The following EYS variants were observed in gnomAD, a reference collection of about 807,000 sequenced individuals.
EYS encodes protein eyes shut homolog.
A neutral mutation model predicts 282.1 loss-of-function variants in EYS; 250 were observed. The observed-to-expected ratio is 0.89, with a 90% CI of 0.80 to 0.98. The LOEUF is 0.98. Ranked by LOEUF, EYS falls within the 50% of genes least tolerant of loss-of-function variation. EYS has a pLI of 0.00. For synonymous variants in EYS, 1,355 were observed against 1,282.9 expected (o/e 1.06, Z -1.20); for missense variants, 4,016 against 3,709.0 (o/e 1.08, Z -2.15).
At chr6:65,228,468 T>C (rs1034712483) in intron 12 of EYS, among the ~76,000 whole-genome samples, 1 of 152,036 alleles carries the variant, frequency 6.6e-6, no homozygotes, top group Admixed American at 6.5e-5. Flanking sequence ...TCTAAATAAA[T>C]AGATATATTG....
intron 5 of EYS, among the ~76,000 whole-genome samples, chr6:65,437,840 T>C (rs1375056730): frequency 6.7e-6 from 1 of 149,166 alleles, no homozygotes; most frequent in Non-Finnish European, 1.5e-5. Context: ...ATTCATATTT[T>C]GGGTTTTATT....
chr6:64,948,034 A>G (rs1769350309), intron 14 of EYS, among the ~76,000 whole-genome samples: 1 of 151,868 alleles, frequency 6.6e-6, no homozygotes, highest in South Asian at 2.1e-4. Context: ...AAAAGCTAAT[A>G]ACTATTGGTA....
At chr6:65,562,198 T>C (rs960062528) in intron 2 of EYS, among the ~76,000 whole-genome samples, 1 of 152,022 alleles carries the variant, frequency 6.6e-6, no homozygotes, top group Non-Finnish European at 1.5e-5. Flanking sequence ...TTTGACATTT[T>C]ATATTTGCAA....
chr6:64,476,517 GA>G, intron 26 of EYS, among the ~76,000 whole-genome samples: 1 of 151,866 alleles, frequency 6.6e-6, no homozygotes, highest in African/African-American at 2.4e-5. Context: ...GTTGCAGAGT[GA>G]AAAAAATATA....
At position 64,245,805 on chromosome 6, in the gene EYS, A is replaced by C. The variant is rs112688003; in HGVS notation, c.6192-14981T>G. ...TGTCCATCTCTTGAGGAAAATTCCA[A>C]ATAGGAAACATTATAAAATAAAATC... On this transcript the variant is annotated intron_variant, in intron 30 of 42. Coordinates refer to ENST00000503581, the MANE Select transcript of EYS (RefSeq NM_001142800.2). Among the ~76,000 whole-genome samples, 1,450 of 152,152 alleles carry C rather than the reference A, an allele frequency of 9.5e-3. 24 individuals carry two copies. The highest frequency in any genetic ancestry group is 0.033 in the African/African-American group (1,365 of 41,526).
At chr6:65,334,493 C>G (rs1217592845) in intron 11 of EYS, among the ~76,000 whole-genome samples, 1 of 151,820 alleles carries the variant, frequency 6.6e-6, no homozygotes, top group Non-Finnish European at 1.5e-5. Context: ...TGGTCTCAAA[C>G]TCTTGGCCTC....
At chr6:64,217,887 G>A (rs1287675410) in intron 31 of EYS, among the ~76,000 whole-genome samples, 3 of 152,144 alleles carry the variant, frequency 2.0e-5, no homozygotes, top group Non-Finnish European at 4.4e-5. Context: ...CACAAACCAA[G>A]TGAGGAAATC....
chr6:65,427,517 C>T (rs1767706195), intron 5 of EYS, among the ~76,000 whole-genome samples: 2 of 151,824 alleles, frequency 1.3e-5, no homozygotes, highest in African/African-American at 4.8e-5. Context: ...TAATTATAAA[C>T]ACATATTTTA....
At chr6:64,766,086 C>A (rs1290236465) in intron 22 of EYS, among the ~76,000 whole-genome samples, 6 of 151,354 alleles carry the variant, frequency 4.0e-5, no homozygotes. Flanking sequence ...GCCATCACAC[C>A]CAGCTAACTC....
chr6:65,621,279 G>C (rs1372495232), intron 2 of EYS, among the ~76,000 whole-genome samples: 1 of 152,084 alleles, frequency 6.6e-6, no homozygotes, highest in African/African-American at 2.4e-5. Flanking sequence ...AGCTCTTCTT[G>C]TTGAATTGAT....
intron 19 of EYS, among the ~76,000 whole-genome samples, chr6:64,886,348 T>C (rs1416237171): frequency 1.3e-5 from 2 of 152,018 alleles, no homozygotes; most frequent in Non-Finnish European, 2.9e-5. Flanking sequence ...AAGCATATTC[T>C]AGAAATGACA....
At chr6:63,970,721 G>A (rs766947689) in intron 35 of EYS, among the ~76,000 whole-genome samples, 22 of 151,916 alleles carry the variant, frequency 1.4e-4, no homozygotes, top group Non-Finnish European at 2.8e-4. Context: ...AAGCAAGAGG[G>A]TTGACATTGT....
At chr6:64,348,559 T>G (rs527736222) in intron 29 of EYS, among the ~76,000 whole-genome samples, 41 of 151,560 alleles carry the variant, frequency 2.7e-4, no homozygotes, top group Non-Finnish European at 4.6e-4. Context: ...GCCCACTAGT[T>G]GAAGATCTAA....
intron 26 of EYS, among the ~76,000 whole-genome samples, chr6:64,496,561 T>C (rs1288511502): frequency 1.3e-5 from 2 of 152,040 alleles, no homozygotes; most frequent in Non-Finnish European, 2.9e-5. Context: ...ATTCTAAGTA[T>C]ATCTTTCTTC....
chr6:64,998,912 A>G (rs1211114637), intron 13 of EYS, among the ~76,000 whole-genome samples: 2 of 152,248 alleles, frequency 1.3e-5, no homozygotes, highest in Non-Finnish European at 2.9e-5. Context: ...ATGCATACTG[A>G]CAAGTAACAA....
chr6:64,869,688 A>G (rs1358717509), intron 19 of EYS, among the ~76,000 whole-genome samples: 1 of 151,650 alleles, frequency 6.6e-6, no homozygotes, highest in Non-Finnish European at 1.5e-5. Flanking sequence ...CAGCTCGTGA[A>G]CTTGCATGAT....
chr6:64,652,489 T>C (rs562826380), intron 22 of EYS, among the ~76,000 whole-genome samples: 2 of 152,128 alleles, frequency 1.3e-5, no homozygotes, highest in South Asian at 4.2e-4. Context: ...GAAATGAATT[T>C]TGCCACCATC....
chr6:64,767,463 C>G (rs1032492291), intron 22 of EYS, among the ~76,000 whole-genome samples: 1 of 151,884 alleles, frequency 6.6e-6, no homozygotes, highest in Non-Finnish European at 1.5e-5. Flanking sequence ...ATTCTTTGTT[C>G]TATTTTTCTT....
At chr6:64,481,442 G>A (rs922053995) in intron 26 of EYS, among the ~76,000 whole-genome samples, 2 of 149,910 alleles carry the variant, frequency 1.3e-5, no homozygotes, top group Non-Finnish European at 3.0e-5. Flanking sequence ...TTTTCAAAAA[G>A]CCTCTATTAA....
Sources: allele counts gnomAD v4.1 joint callset (sites outside exome capture counted in the v4.1 genomes callset), GRCh38; gene constraint gnomAD v4.1.1; transcripts MANE v1.5; gene names NCBI Gene and HGNC (gene_info 2026-07-23, HGNC 2026-07-21).